The following ELF2 variants were observed in gnomAD, a reference collection of about 807,000 sequenced individuals.
The protein encoded by ELF2 is ETS-related transcription factor Elf-2.
A neutral mutation model predicts 54.8 loss-of-function variants in ELF2; 11 were observed. That is an observed-to-expected ratio of 0.20 (90% confidence interval 0.13 to 0.33). The LOEUF (loss-of-function observed/expected upper bound fraction) is 0.33, where lower values mean the gene tolerates loss of function less well. Among genes scored for constraint, ELF2 ranks in the 10% least tolerant of loss-of-function variants. The pLI is 1.00. For synonymous variants in ELF2, 203 were observed against 245.1 expected (o/e 0.83, Z 1.61); for missense variants, 513 against 703.0 (o/e 0.73, Z 3.06).
intron 1 of ELF2, among the ~76,000 whole-genome samples, chr4:139,159,720 AGCGATGAGATCTGAT>A (rs1399881927): frequency 6.6e-6 from 1 of 152,150 alleles, no homozygotes; most frequent in East Asian, 1.9e-4. Context: ...CCTTGACCTG[AGCGATGAGATCTGAT>A]GCCTTTTGAT....
chr4:139,102,799 C>T (rs1201520694), intron 4 of ELF2, among the ~76,000 whole-genome samples: 1 of 151,558 alleles, frequency 6.6e-6, no homozygotes, highest in Admixed American at 6.6e-5. Flanking sequence ...TGAGATCATG[C>T]CACTGCACTC....
intron 8 of ELF2, among the ~76,000 whole-genome samples, chr4:139,061,636 A>G (rs1300984020): frequency 6.6e-6 from 1 of 152,172 alleles, no homozygotes; most frequent in African/African-American, 2.4e-5. Flanking sequence ...AACACTCCTA[A>G]GTACAAAAGC....
chr4:139,151,038 AAG>A (rs1491498488), intron 1 of ELF2, among the ~76,000 whole-genome samples: 3 of 64,846 alleles, frequency 4.6e-5, no homozygotes, highest in Admixed American at 2.2e-4. Flanking sequence ...AAAAAAAAGA[AAG>A]AAAGAAAGAA....
intron 4 of ELF2, chr4:139,114,851 C>T (rs1253930406): frequency 8.1e-6 from 13 of 1,598,402 alleles, no homozygotes; most frequent in African/African-American, 1.3e-5. Flanking sequence ...CCGCAGGGTC[C>T]CCCGGTATTG....
Position 139,125,179 on chromosome 4 carries a change from C to CAA in ELF2, c.222_223insTT (p.Glu75LeufsTer38). 1 of 1,608,308 alleles carries CAA rather than the reference C, an allele frequency of 6.2e-7. No individual in the cohort carries two copies. The highest frequency in any genetic ancestry group is 8.5e-7 in the Non-Finnish European group (1 of 1,178,572). On this transcript the variant is annotated frameshift_variant, in exon 4 of 10. Coordinates refer to ENST00000686138, the MANE Select transcript of ELF2 (RefSeq NM_001331036.3). LOFTEE classifies it high-confidence loss of function. ...AGATGTCTACCTGTTTCCACATTCT[C>CAA]GGTCTCAACTTCTTGTTCTTCTGCC... is the stretch of plus-strand genomic sequence containing the variant.
At chr4:139,162,206 A>C (rs1217664551) in intron 1 of ELF2, among the ~76,000 whole-genome samples, 1 of 152,054 alleles carries the variant, frequency 6.6e-6, no homozygotes, top group African/African-American at 2.4e-5. Flanking sequence ...TCTCAAAAAA[A>C]TAATAAAAAT....
In ELF2 at chr4:139,058,262, T is replaced by G. The variant is rs1240767526; in HGVS notation, c.*721A>C. Reference sequence around the variant, plus strand: ...TGTATATTCTATAACAATACTGTGCTAGGTACAAGATTTTTAAAATTTTTC... The same window carrying G: ...TGTATATTCTATAACAATACTGTGCGAGGTACAAGATTTTTAAAATTTTTC... On this transcript the variant is annotated 3_prime_UTR_variant, in exon 10 of 10. Coordinates refer to ENST00000686138, the MANE Select transcript of ELF2 (RefSeq NM_001331036.3). 1 of 152,106 alleles carries G rather than the reference T, an allele frequency of 6.6e-6. No homozygotes were observed. The highest frequency in any genetic ancestry group is 1.5e-5 in the Non-Finnish European group (1 of 68,002). The allele number at this position is 152,106 out of a possible 1,614,324, so 9.4% of individuals were successfully genotyped here. A position where few individuals can be genotyped will look rare whatever the true frequency, so the allele number is the denominator to read the frequency against.
chr4:139,074,571 C>A (rs147099088), intron 4 of ELF2, among the ~76,000 whole-genome samples: 171 of 152,026 alleles, frequency 1.1e-3, no homozygotes, highest in African/African-American at 4.0e-3. Flanking sequence ...ACCATCCTGA[C>A]AAACATGGTG....
At chr4:139,165,259 A>G (rs531461853) in intron 1 of ELF2, among the ~76,000 whole-genome samples, 1 of 152,200 alleles carries the variant, frequency 6.6e-6, no homozygotes, top group Admixed American at 6.5e-5. Flanking sequence ...TTTGATTATT[A>G]CTGTGGTTAA....
chr4:139,130,758 G>A (rs1371629241), intron 3 of ELF2, among the ~76,000 whole-genome samples: 1 of 152,094 alleles, frequency 6.6e-6, no homozygotes. Flanking sequence ...AACTAAAGTG[G>A]CATTTAAGTA....
chr4:139,123,278 T>C (rs1328933222), intron 4 of ELF2, among the ~76,000 whole-genome samples: 2 of 152,144 alleles, frequency 1.3e-5, no homozygotes, highest in Non-Finnish European at 2.9e-5. Flanking sequence ...AGTAATATGC[T>C]TACATTTTCT....
At chr4:139,073,174 T>C (rs1010352455) in intron 5 of ELF2, among the ~76,000 whole-genome samples, 2 of 152,194 alleles carry the variant, frequency 1.3e-5, no homozygotes, top group African/African-American at 2.4e-5. Flanking sequence ...GCTTATAACT[T>C]GCCCAGAGTT....
rs1560871880 is a variant in ELF2 at position 139,151,096 on chromosome 4, A to AAAG, written c.-251-11600_-251-11599insCTT. ...AGAAAGAAAGAAAGAAAGAAAGAAA[A>AAAG]AGAGAGCTATTTAATAAATTGTGCT... On this transcript the variant is annotated intron_variant, in intron 1 of 9. Transcript: ENST00000686138. Among the ~76,000 whole-genome samples, 88 of 128,262 alleles carry AAAG rather than the reference A, an allele frequency of 6.9e-4. 2 individuals are homozygous for AAAG. Among genetic ancestry groups the AAAG allele is most frequent in the African/African-American group, 1.7e-3 (52 of 31,384 alleles). The allele number at this position is 128,262 out of a possible 152,430, so 84.1% of individuals were successfully genotyped here. A position where few individuals can be genotyped will look rare whatever the true frequency, so the allele number is the denominator to read the frequency against.
intron 4 of ELF2, among the ~76,000 whole-genome samples, chr4:139,108,868 C>T (rs979779223): frequency 1.3e-5 from 2 of 152,162 alleles, no homozygotes; most frequent in African/African-American, 4.8e-5. Context: ...CAAACTCACA[C>T]ATCTGAACAT....
chr4:139,091,916 T>C (rs1056278722), intron 4 of ELF2, among the ~76,000 whole-genome samples: 1 of 149,300 alleles, frequency 6.7e-6, no homozygotes, highest in African/African-American at 2.5e-5. Context: ...ATAGAGAATA[T>C]ATATACACAC....
At chr4:139,141,714 C>T (rs1365770503) in intron 1 of ELF2, among the ~76,000 whole-genome samples, 1 of 152,112 alleles carries the variant, frequency 6.6e-6, no homozygotes, top group African/African-American at 2.4e-5. Flanking sequence ...CTTTTGTTGC[C>T]AGTTGGTGAA....
chr4:139,070,229 T>C (rs1213309889), intron 6 of ELF2, among the ~76,000 whole-genome samples: 1 of 152,076 alleles, frequency 6.6e-6, no homozygotes, highest in Non-Finnish European at 1.5e-5. Flanking sequence ...GATTATATCA[T>C]ATCACATCCT....
intron 4 of ELF2, among the ~76,000 whole-genome samples, chr4:139,075,688 C>CA (rs1337214580): frequency 5.9e-5 from 9 of 152,204 alleles, no homozygotes; most frequent in Non-Finnish European, 8.8e-5. Flanking sequence ...CTCGGCCTCT[C>CA]AAAGTGCTGG....
Position 139,096,923 on chromosome 4 carries a change from C to G in ELF2, c.239-23356G>C, listed in dbSNP as rs1006372946. Among the ~76,000 whole-genome samples, 3 of 152,068 alleles carry G rather than the reference C, an allele frequency of 2.0e-5. No individual in the cohort carries two copies. In the South Asian group the frequency reaches 6.2e-4, roughly 31 times the overall value. ...CTCATTTTTCTTTAATCTGTCTTTA[C>G]AGAGGTTCTTCCATTTTATTAGTTT... On this transcript the variant is annotated intron_variant, in intron 4 of 9. Transcript: ENST00000686138.
Sources: gnomAD v4.1 joint callset for allele counts (sites outside exome capture counted in the v4.1 genomes callset) on GRCh38, gnomAD v4.1.1 for gene constraint, MANE v1.5 for transcripts, NCBI Gene and HGNC (gene_info 2026-07-23, HGNC 2026-07-21) for gene names.